Variants in UNC80 observed in about 807,000 individuals in gnomAD.
The protein encoded by UNC80 is protein unc-80 homolog.
In UNC80, 164 loss-of-function variants were observed where a neutral mutation model predicts 384.6. That is an observed-to-expected ratio of 0.43 (90% CI 0.38 to 0.49). The LOEUF (loss-of-function observed/expected upper bound fraction) is 0.49. Among genes scored for constraint, UNC80 ranks in the 20% least tolerant of loss-of-function variants. The probability of loss-of-function intolerance (pLI) is 0.00; values close to 1 mark genes in which losing one functional copy is unlikely to be tolerated. For missense variants in UNC80, 3,330 were observed against 4,143.0 expected (o/e 0.80, Z 5.39); for synonymous variants, 1,486 against 1,527.8 (o/e 0.97, Z 0.64).
intron 22 of UNC80, among the ~76,000 whole-genome samples, chr2:209,858,617 C>A (rs999349577): frequency 2.0e-5 from 3 of 151,522 alleles, no homozygotes; most frequent in Non-Finnish European, 4.4e-5. Context: ...TAGCTTGAAC[C>A]CAGGAAACAG....
At chr2:209,964,868 A>G (rs2092700275) in intron 51 of UNC80, among the ~76,000 whole-genome samples, 1 of 151,990 alleles carries the variant, frequency 6.6e-6, no homozygotes, top group South Asian at 2.1e-4. Context: ...ACAAATTGAA[A>G]TTTATGGGCC....
intron 25 of UNC80, among the ~76,000 whole-genome samples, chr2:209,884,907 G>A (rs1422977740): frequency 1.3e-5 from 2 of 152,078 alleles, no homozygotes; most frequent in African/African-American, 4.8e-5. Context: ...GTGTGGGGGT[G>A]GGGGTTGGGA....
chr2:209,905,080 T>A, intron 29 of UNC80, 115 bp downstream of exon 29: 1 of 1,084,412 alleles, frequency 9.2e-7, no homozygotes, highest in Non-Finnish European at 1.3e-6. Flanking sequence ...CAGGTCTGTG[T>A]GCATCTAAAC....
chr2:209,803,547 T>G (rs566267388), intron 7 of UNC80, among the ~76,000 whole-genome samples: 1 of 152,326 alleles, frequency 6.6e-6, no homozygotes, highest in Admixed American at 6.5e-5. Flanking sequence ...TATTCATATA[T>G]TCATTTATTT....
chr2:209,922,524 A>G (rs1375192052), intron 35 of UNC80, 141 bp downstream of exon 35: 1 of 1,081,824 alleles, frequency 9.2e-7, no homozygotes, highest in Admixed American at 3.0e-5. Context: ...AAAAATTAGC[A>G]TGGCATCCTT....
chr2:209,989,254 G>A (rs142643763), intron 61 of UNC80, among the ~76,000 whole-genome samples: 7 of 151,844 alleles, frequency 4.6e-5, no homozygotes, highest in Admixed American at 2.0e-4. Flanking sequence ...GAACGCAGGA[G>A]GTGGAGGATT....
At chr2:209,914,489 A>T (rs2089288231) in intron 31 of UNC80, among the ~76,000 whole-genome samples, 1 of 152,170 alleles carries the variant, frequency 6.6e-6, no homozygotes, top group Non-Finnish European at 1.5e-5. Context: ...ACGTGATAAA[A>T]ATTCAAGTAA....
chr2:209,875,554 A>G (rs1431595526), intron 23 of UNC80, among the ~76,000 whole-genome samples: 1 of 152,166 alleles, frequency 6.6e-6, no homozygotes, highest in Non-Finnish European at 1.5e-5. Context: ...CCACTCAGAA[A>G]CTACCTTTCA....
chr2:209,932,496 G>C (rs937402849), intron 38 of UNC80, among the ~76,000 whole-genome samples: 2 of 152,136 alleles, frequency 1.3e-5, no homozygotes. Context: ...TGTTTCTTTC[G>C]CTTGCCTGTG....
chr2:209,836,514 C>T (rs1433789987), intron 18 of UNC80, among the ~76,000 whole-genome samples: 2 of 152,212 alleles, frequency 1.3e-5, no homozygotes, highest in Non-Finnish European at 2.9e-5. Flanking sequence ...GTTCTGTAAA[C>T]ACCACCTAAT....
intron 15 of UNC80, among the ~76,000 whole-genome samples, chr2:209,830,874 A>G (rs1334627886): frequency 5.3e-5 from 8 of 152,162 alleles, no homozygotes; most frequent in Non-Finnish European, 8.8e-5. Context: ...AATTTCTGGG[A>G]GAACTCTGCA....
intron 47 of UNC80, among the ~76,000 whole-genome samples, chr2:209,949,709 C>T (rs1424850132): frequency 1.3e-5 from 2 of 152,178 alleles, no homozygotes; most frequent in Non-Finnish European, 2.9e-5. Context: ...AACTCCTGAC[C>T]TCAGGCGATC....
At chr2:209,824,773 T>G (rs1242661167) in intron 13 of UNC80, among the ~76,000 whole-genome samples, 1 of 152,154 alleles carries the variant, frequency 6.6e-6, no homozygotes, top group African/African-American at 2.4e-5. Flanking sequence ...AACCTTATCA[T>G]AGTAAGGCCC....
Position 209,959,619 on chromosome 2 carries a change from T to C in UNC80, c.7717T>C (p.Cys2573Arg), listed in dbSNP as rs1347039425. Residue 2573 changes from cysteine (C) to arginine (R), a missense_variant, in exon 51 of 65, where the codon TGT becomes CGT. This residue lies in a region of UNC80 where 1,049 missense variants were observed against 1,488.6 expected (regional missense o/e 0.70). Coordinates refer to ENST00000673920, the MANE Select transcript of UNC80 (RefSeq NM_001371986.1). Reference sequence around the variant, plus strand: ...TATTTGCACTGAGTTCTATAAGCACTGTGGGCCACGGCTGAAGATCTTGCA... The same window carrying C: ...TATTTGCACTGAGTTCTATAAGCACCGTGGGCCACGGCTGAAGATCTTGCA... Reference protein sequence around the residue: ...LNICTEFYKHCGPRLKILQNL... With the variant: ...LNICTEFYKHRGPRLKILQNL... The C allele has an allele frequency of 1.3e-6, 2 of 1,551,620 alleles. No homozygotes were observed. Among genetic ancestry groups the C allele is most frequent in the African/African-American group, 2.7e-5 (2 of 73,048 alleles).
At chr2:209,920,472 A>G (rs1242105369) in intron 33 of UNC80, among the ~76,000 whole-genome samples, 2 of 152,240 alleles carry the variant, frequency 1.3e-5, no homozygotes, top group African/African-American at 2.4e-5. Flanking sequence ...CATAAGCATC[A>G]TAATTAAGAC....
At position 209,789,791 on chromosome 2, in the gene UNC80, C is replaced by CA. The variant is rs1198322104; in HGVS notation, c.798+186_798+187insA. 3.3e-5 allele frequency among the ~76,000 whole-genome samples: 5 copies of CA among 151,324 alleles called. 1 individual carries two copies. The highest frequency in any genetic ancestry group is 4.4e-5 in the Non-Finnish European group (3 of 67,872). On this transcript the variant is annotated intron_variant, in intron 6 of 64. Coordinates refer to ENST00000673920, the MANE Select transcript of UNC80 (RefSeq NM_001371986.1). ...TATGAAAATTAATTTTCTGTATCTCCCCAAAGCGTGCAGGTGTGGAAATAA... is the reference window on the plus strand; with the variant it reads ...TATGAAAATTAATTTTCTGTATCTCCACCAAAGCGTGCAGGTGTGGAAATAA...
At position 209,967,520 on chromosome 2, in the gene UNC80, T is replaced by G. The variant is rs908540309; in HGVS notation, c.7889T>G (p.Ile2630Ser). 1 of 1,551,528 alleles carries G rather than the reference T, an allele frequency of 6.4e-7. No homozygotes were observed. Among genetic ancestry groups the G allele is most frequent in the Non-Finnish European group, 8.7e-7 (1 of 1,146,980 alleles). ...GAGAGTCGTGGGCTTCGGCGCTACA[T>G]CATGGAGATGCTACCCATTACTGAC... ...TMESRGLRRY[I>S]MEMLPITDWT... Residue 2630 changes from isoleucine to serine, a missense_variant, in exon 52 of 65, where the codon ATC becomes AGC. Around this residue, in one of 8 missense-constraint regions of UNC80, gnomAD observed 1,049 missense variants for 1,488.6 expected, o/e 0.70. Transcript: ENST00000673920.
chr2:209,844,502 T>C (rs1165680632), intron 21 of UNC80, among the ~76,000 whole-genome samples: 2 of 124,460 alleles, frequency 1.6e-5, no homozygotes, highest in South Asian at 5.9e-4. Context: ...CTTCCTTCCT[T>C]CCTTCCTTCC....
chr2:209,797,155 T>G (rs557434760), intron 7 of UNC80, among the ~76,000 whole-genome samples: 1 of 152,356 alleles, frequency 6.6e-6, no homozygotes, highest in African/African-American at 2.4e-5. Flanking sequence ...TAGTAATTCA[T>G]TCCTTTGTAT....
Sources: gnomAD v4.1 joint callset for allele counts (sites outside exome capture counted in the v4.1 genomes callset) on GRCh38, gnomAD v4.1.1 for gene constraint, gnomAD v4.1.1 regional missense constraint, MANE v1.5 for transcripts, NCBI Gene and HGNC (gene_info 2026-07-23, HGNC 2026-07-21) for gene names.